Variants in ZMAT4 observed in about 807,000 individuals in gnomAD.
The protein encoded by ZMAT4 is zinc finger matrin-type protein 4.
ZMAT4 carries 17 observed loss-of-function variants against 28.7 expected under a neutral mutation model. The ratio of observed to expected loss-of-function variants is 0.59; its 90% CI spans 0.41 to 0.89. The LOEUF is 0.89. Among genes scored for constraint, ZMAT4 ranks in the 40% least tolerant of loss-of-function variants. The probability of loss-of-function intolerance (pLI) is 0.00; values close to 1 mark genes in which losing one functional copy is unlikely to be tolerated. For missense variants in ZMAT4, 240 were observed against 283.8 expected (o/e 0.85, Z 1.11); for synonymous variants, 117 against 109.2 (o/e 1.07, Z -0.44).
intron 5 of ZMAT4, among the ~76,000 whole-genome samples, chr8:40,664,220 T>G (rs975773781): frequency 1.3e-5 from 2 of 152,130 alleles, no homozygotes; most frequent in African/African-American, 4.8e-5. Context: ...AGATGCTGCC[T>G]TGGGTCACTC....
At chr8:40,779,025 C>A (rs2150570358) in intron 2 of ZMAT4, among the ~76,000 whole-genome samples, 1 of 152,242 alleles carries the variant, frequency 6.6e-6, no homozygotes, top group African/African-American at 2.4e-5. Flanking sequence ...TTGGCTGTGT[C>A]ACCACCCAAA....
intron 1 of ZMAT4, among the ~76,000 whole-genome samples, chr8:40,881,237 AT>A (rs1443612490): frequency 2.2e-4 from 33 of 151,632 alleles, no homozygotes; most frequent in African/African-American, 6.5e-4. Context: ...AAACAAAAAA[AT>A]ATTAGCCACG....
At chr8:40,760,081 G>C (rs1315576117) in intron 3 of ZMAT4, among the ~76,000 whole-genome samples, 1 of 152,050 alleles carries the variant, frequency 6.6e-6, no homozygotes, top group African/African-American at 2.4e-5. Flanking sequence ...CGAGCACTGA[G>C]AGCTTATGCA....
chr8:40,806,331 T>C (rs1815084188), intron 2 of ZMAT4, among the ~76,000 whole-genome samples: 1 of 152,218 alleles, frequency 6.6e-6, no homozygotes, highest in African/African-American at 2.4e-5. Context: ...TTTTCTTTCT[T>C]TTTAATTAAG....
At chr8:40,627,853 G>A (rs370206240) in intron 5 of ZMAT4, among the ~76,000 whole-genome samples, 4 of 152,140 alleles carry the variant, frequency 2.6e-5, no homozygotes, top group Non-Finnish European at 4.4e-5. Context: ...TGGGGCGGGA[G>A]GGAAAGATAA....
intron 5 of ZMAT4, among the ~76,000 whole-genome samples, chr8:40,642,239 G>A (rs1388662316): frequency 6.6e-6 from 1 of 152,142 alleles, no homozygotes; most frequent in Non-Finnish European, 1.5e-5. Context: ...TACTTTATCT[G>A]TTAAACTTAG....
intron 5 of ZMAT4, among the ~76,000 whole-genome samples, chr8:40,615,798 C>T (rs949981477): frequency 2.6e-5 from 4 of 152,192 alleles, no homozygotes; most frequent in Non-Finnish European, 5.9e-5. Context: ...AAGGACTTCT[C>T]TACACTGATT....
At chr8:40,732,834 C>CTTTTTT (rs11461186) in intron 3 of ZMAT4, among the ~76,000 whole-genome samples, 7 of 67,078 alleles carry the variant, frequency 1.0e-4, no homozygotes, top group Non-Finnish European at 1.4e-4. Flanking sequence ...GCAAGACCTC[C>CTTTTTT]TTTTTTTTTT....
At chr8:40,628,111 A>T (rs1462852358) in intron 5 of ZMAT4, among the ~76,000 whole-genome samples, 1 of 152,206 alleles carries the variant, frequency 6.6e-6, no homozygotes, top group East Asian at 1.9e-4. Context: ...GATTTTCTCC[A>T]TTGGAGTCTC....
At chr8:40,756,459 C>CACAT (rs67496279) in intron 3 of ZMAT4, among the ~76,000 whole-genome samples, 87 of 64,870 alleles carry the variant, frequency 1.3e-3, no homozygotes, top group African/African-American at 4.7e-3. Context: ...TATATATATA[C>CACAT]ACACTTGTAT....
chr8:40,627,122 A>G (rs756393486), intron 5 of ZMAT4, among the ~76,000 whole-genome samples: 18 of 152,184 alleles, frequency 1.2e-4, no homozygotes, highest in Admixed American at 5.9e-4. Context: ...TTATTGAACC[A>G]ATCAATATTC....
At chr8:40,802,436 G>A (rs1814889965) in intron 2 of ZMAT4, among the ~76,000 whole-genome samples, 2 of 152,122 alleles carry the variant, frequency 1.3e-5, no homozygotes, top group South Asian at 4.2e-4. Flanking sequence ...CCAACAGCAA[G>A]TGAAATTTGA....
intron 3 of ZMAT4, among the ~76,000 whole-genome samples, chr8:40,747,458 T>C (rs1430244101): frequency 6.6e-6 from 1 of 152,234 alleles, no homozygotes; most frequent in East Asian, 1.9e-4. Context: ...TCCTTGGTTA[T>C]GATTCGGTTT....
chr8:40,818,317 T>C (rs1410701336), intron 2 of ZMAT4, among the ~76,000 whole-genome samples: 2 of 152,120 alleles, frequency 1.3e-5, no homozygotes, highest in Admixed American at 6.6e-5. Context: ...GAATCTTCAA[T>C]AAAATGGACA....
chr8:40,625,409 A>G (rs1806336882), intron 5 of ZMAT4, among the ~76,000 whole-genome samples: 1 of 151,970 alleles, frequency 6.6e-6, no homozygotes, highest in African/African-American at 2.4e-5. Flanking sequence ...CAGGCAGGAG[A>G]GGAAGAATAT....
chr8:40,697,119 G>T, intron 4 of ZMAT4, 126 bp downstream of exon 4: 2 of 1,165,422 alleles, frequency 1.7e-6, no homozygotes, highest in Non-Finnish European at 2.4e-6. Context: ...ATCCCTTTAG[G>T]CTTTGAATGA....
Position 40,824,122 on chromosome 8 carries a change from T to G in ZMAT4, c.102+1453A>C, listed in dbSNP as rs1815932330. Among the ~76,000 whole-genome samples the G allele has an allele frequency of 2.0e-5, 3 of 152,180 alleles. No individual in the cohort carries two copies. In the South Asian group the frequency reaches 6.2e-4, roughly 32 times the overall value. On this transcript the variant is annotated intron_variant, in intron 2 of 6. Coordinates refer to ENST00000297737, the MANE Select transcript of ZMAT4 (RefSeq NM_024645.3). ...TATTTTTATTGTGCACAGAGGAATCTGAGGCCCAGAGGAGTTTGAGGAATG... is the reference window on the plus strand; with the variant it reads ...TATTTTTATTGTGCACAGAGGAATCGGAGGCCCAGAGGAGTTTGAGGAATG...
chr8:40,772,057 T>C (rs1356681149), intron 2 of ZMAT4, among the ~76,000 whole-genome samples: 1 of 152,202 alleles, frequency 6.6e-6, no homozygotes, highest in African/African-American at 2.4e-5. Context: ...GGAAAAGACA[T>C]GAAAAAGAAT....
intron 1 of ZMAT4, among the ~76,000 whole-genome samples, chr8:40,852,795 A>G (rs1356549799): frequency 6.6e-6 from 1 of 152,054 alleles, no homozygotes; most frequent in African/African-American, 2.4e-5. Flanking sequence ...ATGTTGATAC[A>G]TTTCATTATA....
Sources: gnomAD v4.1 joint callset for allele counts (sites outside exome capture counted in the v4.1 genomes callset) on GRCh38, gnomAD v4.1.1 for gene constraint, MANE v1.5 for transcripts, NCBI Gene and HGNC (gene_info 2026-07-23, HGNC 2026-07-21) for gene names.